The following PKP4 variants were observed in gnomAD, a reference collection of about 807,000 sequenced individuals.
PKP4 encodes plakophilin 4.
Under a neutral mutation model 145.1 loss-of-function variants are expected in PKP4, and 90 were observed. The ratio of observed to expected loss-of-function variants is 0.62; its 90% CI spans 0.52 to 0.74. PKP4 has a LOEUF of 0.74. Ranked by LOEUF, PKP4 falls within the 30% of genes least tolerant of loss-of-function variation. The pLI, the probability that PKP4 is intolerant of heterozygous loss-of-function variation, is 0.00. For missense variants in PKP4, 1,340 were observed against 1,482.7 expected, an observed-to-expected ratio of 0.90 and a Z score of 1.58; for synonymous variants, 563 against 577.2, an observed-to-expected ratio of 0.98 and a Z score of 0.35.
intron 1 of PKP4, 60 bp downstream of exon 1, chr2:158,457,278 C>T (rs1209529478): frequency 6.6e-6 from 1 of 151,754 alleles, no homozygotes; most frequent in Non-Finnish European, 1.5e-5. Flanking sequence ...CCTCGGCCCT[C>T]GCCCCGAACA....
chr2:158,538,852 A>G (rs1204388785), intron 2 of PKP4, among the ~76,000 whole-genome samples: 1 of 152,068 alleles, frequency 6.6e-6, no homozygotes, highest in Non-Finnish European at 1.5e-5. Flanking sequence ...CACAAACCGC[A>G]TTCTTATATT....
chr2:158,562,581 A>T (rs1256272166), intron 2 of PKP4, among the ~76,000 whole-genome samples: 1 of 152,162 alleles, frequency 6.6e-6, no homozygotes, highest in Non-Finnish European at 1.5e-5. Context: ...ATGTGAATAT[A>T]CTTAAAGCCC....
intron 3 of PKP4, among the ~76,000 whole-genome samples, chr2:158,580,318 T>C (rs1019625456): frequency 6.6e-6 from 1 of 152,218 alleles, no homozygotes; most frequent in African/African-American, 2.4e-5. Flanking sequence ...CATTTGTGCC[T>C]GGCAAGTGAC....
intron 1 of PKP4, among the ~76,000 whole-genome samples, chr2:158,525,485 T>A (rs2042832681): frequency 9.1e-5 from 1 of 11,046 alleles, no homozygotes; most frequent in Non-Finnish European, 1.5e-4. Context: ...TTCAAAGCAG[T>A]GTGTAGAGGG....
At chr2:158,676,362 A>G (rs1289278342) in intron 19 of PKP4, among the ~76,000 whole-genome samples, 5 of 152,262 alleles carry the variant, frequency 3.3e-5, no homozygotes, top group Non-Finnish European at 5.9e-5. Flanking sequence ...AATAACAAGT[A>G]TAACTCTTGC....
chr2:158,590,214 G>A (rs1558850357), intron 3 of PKP4, among the ~76,000 whole-genome samples: 1 of 151,650 alleles, frequency 6.6e-6, no homozygotes, highest in Non-Finnish European at 1.5e-5. Flanking sequence ...GATTTTCACA[G>A]CTAAAAAAAC....
At chr2:158,459,168 C>G (rs1365727061) in intron 1 of PKP4, among the ~76,000 whole-genome samples, 1 of 152,146 alleles carries the variant, frequency 6.6e-6, no homozygotes, top group Non-Finnish European at 1.5e-5. Flanking sequence ...GTAGGAGTAT[C>G]TTCGTTTTGG....
intron 1 of PKP4, among the ~76,000 whole-genome samples, chr2:158,502,891 A>G (rs1227495766): frequency 1.3e-5 from 2 of 152,256 alleles, no homozygotes; most frequent in African/African-American, 4.8e-5. Context: ...CTGTTTTAAA[A>G]TAAACTTTGG....
intron 1 of PKP4, among the ~76,000 whole-genome samples, chr2:158,526,184 AAG>A (rs1248691114): frequency 7.9e-6 from 1 of 126,974 alleles, no homozygotes; most frequent in Non-Finnish European, 1.7e-5. Flanking sequence ...ACAACCAAAA[AAG>A]AGAATTTTAG....
intron 1 of PKP4, among the ~76,000 whole-genome samples, chr2:158,462,438 C>T (rs1178550609): frequency 6.6e-6 from 1 of 151,670 alleles, no homozygotes; most frequent in East Asian, 1.9e-4. Flanking sequence ...CCTGTTTCCC[C>T]TTGTACCTCA....
intron 1 of PKP4, among the ~76,000 whole-genome samples, chr2:158,476,359 G>A (rs2105420162): frequency 6.6e-6 from 1 of 152,174 alleles, no homozygotes; most frequent in South Asian, 2.1e-4. Context: ...TTAGAGACCA[G>A]TCTCACTCTT....
At chr2:158,568,507 G>A (rs1174227612) in intron 2 of PKP4, among the ~76,000 whole-genome samples, 1 of 152,180 alleles carries the variant, frequency 6.6e-6, no homozygotes, top group African/African-American at 2.4e-5. Context: ...GTGTGTCTGG[G>A]TAAGGCCATG....
Position 158,676,855 on chromosome 2 carries a change from G to T in PKP4, c.3244G>T (p.Gly1082Cys). 1 of 1,614,008 alleles carries T rather than the reference G, an allele frequency of 6.2e-7. No individual in the cohort carries two copies. Among genetic ancestry groups the T allele is most frequent in the Non-Finnish European group, 8.5e-7 (1 of 1,180,014 alleles). ...YNSQGDATHKGLYPGSSKPSP... is the reference protein window; with the variant it reads ...YNSQGDATHKCLYPGSSKPSP... The stretch of plus-strand genomic sequence containing the variant: ...TAGCCAAGGGGATGCCACACATAAA[G>T]GCCTGTACCCTGGTAAGACGCCAGT... The change falls in exon 20 of 22, where the codon GGC becomes TGC. Residue 1082 changes from glycine to cysteine, a missense_variant. Coordinates refer to ENST00000389759, the MANE Select transcript of PKP4 (RefSeq NM_003628.6).
chr2:158,580,632 T>C (rs2048254715), intron 3 of PKP4, among the ~76,000 whole-genome samples: 1 of 152,126 alleles, frequency 6.6e-6, no homozygotes, highest in African/African-American at 2.4e-5. Context: ...GAGAGTGCAG[T>C]GTGTAAAACA....
rs184725389 is a variant in PKP4, at chr2:158,628,012, C to T, written c.1153+2585C>T. Among the ~76,000 whole-genome samples the T allele has an allele frequency of 6.9e-3, 1,032 of 150,358 alleles. 17 individuals are homozygous for T. Among genetic ancestry groups the T allele is most frequent in the African/African-American group, 0.024 (980 of 40,862 alleles). ...TTTATTTTTTTTTGAGACGGAGTTT[C>T]GCTCTGTCACCAGGCTGGAGTACAG... On this transcript the variant is annotated intron_variant, in intron 7 of 21. Transcript: ENST00000389759.
intron 16 of PKP4, 90 bp downstream of exon 16, chr2:158,666,653 T>A: frequency 9.3e-7 from 1 of 1,072,496 alleles, no homozygotes; most frequent in Non-Finnish European, 1.3e-6. Flanking sequence ...ATATGGCTTG[T>A]AAAATCATTA....
At chr2:158,519,836 T>A (rs1228286494) in intron 1 of PKP4, among the ~76,000 whole-genome samples, 2 of 152,032 alleles carry the variant, frequency 1.3e-5, no homozygotes, top group Admixed American at 1.3e-4. Flanking sequence ...TCCATCAGAG[T>A]TTTAATTACA....
intron 1 of PKP4, among the ~76,000 whole-genome samples, chr2:158,523,368 G>A (rs2042616194): frequency 1.6e-5 from 2 of 122,956 alleles, no homozygotes; most frequent in Non-Finnish European, 3.4e-5. Context: ...CCCAGCAGGG[G>A]CACACTGACA....
intron 3 of PKP4, chr2:158,589,079 C>T (rs1182327388): frequency 6.6e-6 from 1 of 152,138 alleles, no homozygotes; most frequent in Non-Finnish European, 1.5e-5. Flanking sequence ...GATGCCTTAC[C>T]TTGGTATCTT....
Sources: allele counts gnomAD v4.1 joint callset (sites outside exome capture counted in the v4.1 genomes callset), GRCh38; gene constraint gnomAD v4.1.1; transcripts MANE v1.5; gene names NCBI Gene and HGNC (gene_info 2026-07-23, HGNC 2026-07-21).